PHF20L1: variants seen among roughly 807,000 people sequenced by gnomAD.
PHF20L1 encodes PHD finger protein 20-like protein 1.
A neutral mutation model predicts 125.5 loss-of-function variants in PHF20L1; 44 were observed. The ratio of observed to expected loss-of-function variants is 0.35; its 90% confidence interval spans 0.28 to 0.45. The LOEUF (loss-of-function observed/expected upper bound fraction) is 0.45. PHF20L1 is among the 20% of genes least tolerant of loss of function. The probability of loss-of-function intolerance (pLI) is 1.00; values close to 1 mark genes in which losing one functional copy is unlikely to be tolerated. For synonymous variants in PHF20L1, 380 were observed against 403.1 expected, an observed-to-expected ratio of 0.94 and a Z score of 0.69; for missense variants, 1,012 against 1,217.2, an observed-to-expected ratio of 0.83 and a Z score of 2.51.
At chr8:132,778,021 C>T (rs1229039504) in intron 2 of PHF20L1, 110 bp downstream of exon 2, 1 of 691,372 alleles carries the variant, frequency 1.4e-6, no homozygotes, top group African/African-American at 1.8e-5. Context: ...AGTGTATTCA[C>T]ATTTCGATTA....
rs1388662884 is a variant in PHF20L1, at chr8:132,832,329, C to T, written c.1839C>T (p.Ser613=). The change falls in exon 15 of 21, where the codon AGC becomes AGT. Residue 613 remains serine, a synonymous_variant. Coordinates refer to ENST00000395386, the MANE Select transcript of PHF20L1 (RefSeq NM_016018.5). ...CTGGGAGTTCTCTGGCTTCACGAAG[C>T]ATGTTTACGGAGAAAACTACAACCT... The part of the protein sequence containing the change: ...RSSGSSLASR[S]MFTEKTTTYQ... 1 of 1,611,300 alleles carries T rather than the reference C, an allele frequency of 6.2e-7. No homozygotes were observed. Among genetic ancestry groups the T allele is most frequent in the Non-Finnish European group, 8.5e-7 (1 of 1,177,928 alleles).
At chr8:132,804,797 T>C in intron 8 of PHF20L1, 57 bp downstream of exon 8, 1 of 1,407,442 alleles carries the variant, frequency 7.1e-7, no homozygotes, top group Non-Finnish European at 9.8e-7. Context: ...AATTTTAGAG[T>C]AATTTATTTT....
At position 132,811,280 on chromosome 8, in the gene PHF20L1, A is replaced by G. The variant is rs565813242; in HGVS notation, c.930+152A>G. ...TATATTTTTAACTCTGCCTTCTCCAAGGTATACAGATAACTACAGACTTCA... is the reference window on the plus strand; with the variant it reads ...TATATTTTTAACTCTGCCTTCTCCAGGGTATACAGATAACTACAGACTTCA... On this transcript the variant is annotated intron_variant, in intron 9 of 20. Transcript: ENST00000395386. 7.2e-5 allele frequency: 102 copies of G among 1,410,240 alleles called. No individual in the cohort carries two copies. In the African/African-American group the frequency reaches 1.2e-3, roughly 16 times the overall value. 87.4% of individuals were successfully genotyped at this position (1,410,240 alleles called of 1,614,324 possible).
chr8:132,829,863 G>A (rs528065384), intron 14 of PHF20L1, among the ~76,000 whole-genome samples: 1 of 152,118 alleles, frequency 6.6e-6, no homozygotes, highest in East Asian at 1.9e-4. Flanking sequence ...AGATGCTTGT[G>A]AGGATTAAAA....
At chr8:132,830,679 A>T (rs1011962038) in intron 14 of PHF20L1, among the ~76,000 whole-genome samples, 1 of 152,104 alleles carries the variant, frequency 6.6e-6, no homozygotes, top group Non-Finnish European at 1.5e-5. Context: ...GCATGCTTAC[A>T]TGAAAATATT....
At chr8:132,805,030 G>T (rs1833522230) in intron 8 of PHF20L1, among the ~76,000 whole-genome samples, 1 of 151,876 alleles carries the variant, frequency 6.6e-6, no homozygotes, top group African/African-American at 2.4e-5. Context: ...ATTTGTGGTA[G>T]TAGTAGTTTC....
intron 12 of PHF20L1, 111 bp downstream of exon 12, chr8:132,817,656 C>G: frequency 1.5e-6 from 1 of 688,554 alleles, no homozygotes; most frequent in Non-Finnish European, 2.4e-6. Context: ...CTATATAATT[C>G]CTTTTCATAA....
chr8:132,800,945 T>G (rs1286754482), intron 6 of PHF20L1, among the ~76,000 whole-genome samples: 1 of 151,612 alleles, frequency 6.6e-6, no homozygotes, highest in Non-Finnish European at 1.5e-5. Context: ...TTTTTCTCCC[T>G]ACCTACAGTT....
intron 4 of PHF20L1, 52 bp downstream of exon 4, chr8:132,794,869 C>A: frequency 8.6e-7 from 1 of 1,164,850 alleles, no homozygotes; most frequent in Non-Finnish European, 1.3e-6. Flanking sequence ...AGTAAAATTT[C>A]ACTGTATTTT....
At chr8:132,807,202 A>G (rs548418576) in intron 8 of PHF20L1, 1 of 156,426 alleles carries the variant, frequency 6.4e-6, no homozygotes, top group South Asian at 1.9e-4. Context: ...ATACTGTGCA[A>G]TATATATATA....
intron 7 of PHF20L1, 21 bp from the exon 8 acceptor site, chr8:132,804,594 T>G: frequency 6.3e-7 from 1 of 1,582,388 alleles, no homozygotes; most frequent in Non-Finnish European, 8.7e-7. Context: ...AACTCTCATA[T>G]ATGTGTTCTG....
chr8:132,794,203 T>C (rs1040166238), intron 2 of PHF20L1, among the ~76,000 whole-genome samples: 5 of 152,068 alleles, frequency 3.3e-5, no homozygotes, highest in African/African-American at 1.2e-4. Context: ...CTACTGGGAG[T>C]GTATCAAGGA....
chr8:132,799,014 C>T, intron 5 of PHF20L1, 81 bp from the exon 6 acceptor site: 2 of 1,294,004 alleles, frequency 1.5e-6, no homozygotes, highest in Non-Finnish European at 2.2e-6. Flanking sequence ...GAAGCTTAGA[C>T]TGTAAAATAA....
At chr8:132,777,939 A>T in intron 2 of PHF20L1, 28 bp downstream of exon 2, 1 of 1,268,374 alleles carries the variant, frequency 7.9e-7, no homozygotes, top group Non-Finnish European at 1.2e-6. Flanking sequence ...CTTTCACCTA[A>T]ATATCACAAT....
chr8:132,830,421 A>T (rs1007985556), intron 14 of PHF20L1, among the ~76,000 whole-genome samples: 1 of 152,052 alleles, frequency 6.6e-6, no homozygotes, highest in Non-Finnish European at 1.5e-5. Flanking sequence ...TAGGACATAG[A>T]CATTTTTGGC....
chr8:132,792,967 T>TTC (rs1554627929), intron 2 of PHF20L1, among the ~76,000 whole-genome samples: 15 of 143,112 alleles, frequency 1.0e-4, no homozygotes, highest in Non-Finnish European at 1.5e-4. Flanking sequence ...CTTTTTTCTT[T>TTC]TTTTTTTTTT....
At chr8:132,788,230 A>G (rs1221369739) in intron 2 of PHF20L1, among the ~76,000 whole-genome samples, 1 of 152,018 alleles carries the variant, frequency 6.6e-6, no homozygotes, top group African/African-American at 2.4e-5. Context: ...AACTTACTTG[A>G]TTCTTTTTCT....
intron 20 of PHF20L1, 33 bp downstream of exon 20, chr8:132,844,351 A>C (rs758676181): frequency 1.1e-5 from 17 of 1,517,364 alleles, no homozygotes; most frequent in Non-Finnish European, 1.5e-5. Context: ...TACAGTTACT[A>C]TAGTGAATTT....
intron 8 of PHF20L1, chr8:132,807,592 C>T (rs1833882089): frequency 2.6e-6 from 1 of 377,618 alleles, no homozygotes; most frequent in African/African-American, 2.1e-5. Context: ...TTCTTAGTCC[C>T]AGCAAGAAGA....
Sources: gnomAD v4.1 joint callset for allele counts (sites outside exome capture counted in the v4.1 genomes callset) on GRCh38, gnomAD v4.1.1 for gene constraint, MANE v1.5 for transcripts, NCBI Gene and HGNC (gene_info 2026-07-23, HGNC 2026-07-21) for gene names.